The following RYR2 variants were observed in gnomAD, a reference collection of about 807,000 sequenced individuals.
RYR2 encodes the protein cardiac muscle ryanodine receptor-calcium release channel.
A neutral mutation model predicts 601.1 loss-of-function variants in RYR2; 227 were observed. That is an observed-to-expected ratio of 0.38 (90% CI 0.34 to 0.42). The LOEUF (loss-of-function observed/expected upper bound fraction) is 0.42. RYR2 is among the 10% of genes least tolerant of loss of function. The pLI, the probability that RYR2 is intolerant of heterozygous loss-of-function variation, is 1.00. For missense variants in RYR2, 4,646 were observed against 6,156.5 expected (o/e 0.75, Z 8.21); for synonymous variants, 2,223 against 2,175.1 (o/e 1.02, Z -0.61).
At chr1:237,505,204 T>C (rs1394758296) in intron 22 of RYR2, among the ~76,000 whole-genome samples, 4 of 152,242 alleles carry the variant, frequency 2.6e-5, no homozygotes, top group Non-Finnish European at 5.9e-5. Flanking sequence ...ACCATATTAC[T>C]TGGCAAATAG....
At chr1:237,081,627 ACT>A (rs1048909797) in intron 1 of RYR2, among the ~76,000 whole-genome samples, 10 of 150,570 alleles carry the variant, frequency 6.6e-5, no homozygotes, top group Admixed American at 2.7e-4. Context: ...ATACGCACAC[ACT>A]CTCTCTCTCC....
chr1:237,731,778 T>C (rs1315112878), intron 77 of RYR2, among the ~76,000 whole-genome samples: 1 of 152,126 alleles, frequency 6.6e-6, no homozygotes, highest in East Asian at 1.9e-4. Flanking sequence ...CATTTATATA[T>C]GTTATAGCAT....
intron 2 of RYR2, among the ~76,000 whole-genome samples, chr1:237,280,731 G>T (rs1031967659): frequency 6.6e-6 from 1 of 151,418 alleles, no homozygotes; most frequent in Non-Finnish European, 1.5e-5. Flanking sequence ...GAATGGAACT[G>T]CTTGTTAAAT....
chr1:237,610,725 T>A lies in RYR2; in HGVS notation c.4684-37T>A. ...TTACTTTGTGAACCCCAAGGGATGT[T>A]CTACATTTATTCTTTTTCTGCCTCC... On this transcript the variant is annotated intron_variant, in intron 35 of 104. Coordinates refer to ENST00000366574, the MANE Select transcript of RYR2 (RefSeq NM_001035.3). This position sits in a 1 kb window ranked among gnomAD's most constrained non-coding sequence, Gnocchi z 4.9. The A allele has an allele frequency of 6.6e-7, 1 of 1,511,742 alleles. No individual in the cohort carries two copies. The highest frequency in any genetic ancestry group is 1.2e-5 in the South Asian group (1 of 82,644). The allele number at this position is 1,511,742 out of a possible 1,614,324, so 93.6% of individuals were successfully genotyped here. A position where few individuals can be genotyped will look rare whatever the true frequency, so the allele number is the denominator to read the frequency against.
intron 71 of RYR2, among the ~76,000 whole-genome samples, chr1:237,712,467 G>T (rs1275163807): frequency 6.6e-6 from 1 of 151,974 alleles, no homozygotes; most frequent in African/African-American, 2.4e-5. Flanking sequence ...CGATGGGAGG[G>T]ACTGCTGTCT....
At chr1:237,091,671 C>T (rs866780048) in intron 1 of RYR2, among the ~76,000 whole-genome samples, 1 of 152,202 alleles carries the variant, frequency 6.6e-6, no homozygotes, top group African/African-American at 2.4e-5. Flanking sequence ...GTGATCCCCC[C>T]GCCTTGGCCT....
intron 1 of RYR2, among the ~76,000 whole-genome samples, chr1:237,224,759 C>T (rs1684179686): frequency 6.6e-6 from 1 of 152,042 alleles, no homozygotes; most frequent in African/African-American, 2.4e-5. Context: ...ACTAGAGGGG[C>T]TAAAGTGGGA....
Position 237,547,154 on chromosome 1 carries a change from C to T in RYR2, c.2907-1277C>T, listed in dbSNP as rs756235303. On this transcript the variant is annotated intron_variant, in intron 25 of 104. Transcript: ENST00000366574. ...TCGAATAGCTGGGATTACAGGCACC[C>T]GCCACCACACCTTGCTAATCATTGT... Among the ~76,000 whole-genome samples, 34 of 151,452 alleles carry T rather than the reference C, an allele frequency of 2.2e-4. 1 individual carries two copies. The highest frequency in any genetic ancestry group is 4.1e-4 in the African/African-American group (17 of 41,274).
rs746931449 is a variant in RYR2 at position 237,500,728 on chromosome 1, G to T, written c.2221G>T (p.Val741Leu). The change falls in exon 21 of 105, where the codon GTA (valine) becomes TTA (leucine). Residue 741 changes from valine (V) to leucine (L), a missense_variant. Around this residue, in one of 17 missense-constraint regions of RYR2, gnomAD observed 1,807 missense variants for 2,088.1 expected, o/e 0.87. Coordinates refer to ENST00000366574, the MANE Select transcript of RYR2 (RefSeq NM_001035.3). ...HLWSGCIART[V>L]SSPNQHLLRT... ...CCCAATAGGTTGTATTGCTCGTACT[G>T]TAAGCTCACCAAACCAACATCTGTT... The T allele has an allele frequency of 1.2e-6, 2 of 1,610,092 alleles. No homozygotes were observed. Among genetic ancestry groups the T allele is most frequent in the Non-Finnish European group, 1.7e-6 (2 of 1,176,928 alleles).
intron 23 of RYR2, among the ~76,000 whole-genome samples, chr1:237,507,757 C>T (rs1008485002): frequency 6.6e-6 from 1 of 152,204 alleles, no homozygotes. Context: ...TGCTAAATGC[C>T]TTGGCAGGCA....
intron 24 of RYR2, among the ~76,000 whole-genome samples, chr1:237,526,323 A>G (rs2805439): frequency 0.48 from 72,731 of 151,024 alleles, 17,687 homozygotes; most frequent in East Asian, 0.6. Context: ...AGAAATGTCT[A>G]TTTATGTCCT....
At chr1:237,431,057 A>G (rs1318115229) in intron 12 of RYR2, among the ~76,000 whole-genome samples, 1 of 152,208 alleles carries the variant, frequency 6.6e-6, no homozygotes, top group Non-Finnish European at 1.5e-5. Context: ...CCTGGTGTTC[A>G]TGGAACCACT....
intron 84 of RYR2, 112 bp from the exon 85 acceptor site, chr1:237,770,695 T>C (rs1228760410): frequency 3.1e-6 from 2 of 651,910 alleles, no homozygotes; most frequent in African/African-American, 1.8e-5. Context: ...TGTGACTGTT[T>C]TTGGTTCAGA....
intron 27 of RYR2, among the ~76,000 whole-genome samples, chr1:237,564,363 C>T (rs2127147): frequency 0.055 from 8,368 of 152,104 alleles, 309 homozygotes; most frequent in East Asian, 0.13. Context: ...CTCTGCTTCC[C>T]GGGCTCAAGC....
In RYR2 at chr1:237,400,792, G is replaced by A. The variant is rs187288315; in HGVS notation, c.773+12609G>A. Among the ~76,000 whole-genome samples the A allele has an allele frequency of 8.1e-4, 124 of 152,180 alleles. No individual in the cohort carries two copies. The Middle Eastern group carries it at 0.01, about 13-fold the overall frequency. ...CAAAGCAGTGAAGATGTAGTATTGG[G>A]TCATAGTCCCAAAAAGGAAGGAGAT... On this transcript the variant is annotated intron_variant, in intron 10 of 104. Transcript: ENST00000366574.
chr1:237,055,990 T>TCTGTGAGGACTGCAGCACTGCAC (rs1558153442), intron 1 of RYR2, among the ~76,000 whole-genome samples: 47 of 140,022 alleles, frequency 3.4e-4, no homozygotes, highest in African/African-American at 1.1e-3. Flanking sequence ...GAGCACTGCA[T>TCTGTGAGGACTGCAGCACTGCAC]CTGTGAGGAC....
chr1:237,173,860 T>C (rs1384719737), intron 1 of RYR2, among the ~76,000 whole-genome samples: 1 of 150,904 alleles, frequency 6.6e-6, no homozygotes, highest in Non-Finnish European at 1.5e-5. Context: ...ATCGAGACCA[T>C]CCTGGCTAAC....
chr1:237,099,169 A>G (rs1313019542), intron 1 of RYR2, among the ~76,000 whole-genome samples: 1 of 151,930 alleles, frequency 6.6e-6, no homozygotes, highest in Admixed American at 6.6e-5. Context: ...AATTCAGCCC[A>G]GCTGGTCAGC....
At chr1:237,741,894 G>A (rs978430052) in intron 79 of RYR2, among the ~76,000 whole-genome samples, 3 of 152,032 alleles carry the variant, frequency 2.0e-5, no homozygotes, top group African/African-American at 7.2e-5. Flanking sequence ...GAGCCACCTC[G>A]CCCGGTCTAA....
Sources: gnomAD v4.1 joint callset for allele counts (sites outside exome capture counted in the v4.1 genomes callset) on GRCh38, gnomAD v4.1.1 for gene constraint, gnomAD v4.1.1 regional missense constraint, Gnocchi (gnomAD v3.1) non-coding constraint, MANE v1.5 for transcripts, NCBI Gene and HGNC (gene_info 2026-07-23, HGNC 2026-07-21) for gene names.